Variants in SLC9D1 observed in about 807,000 individuals in gnomAD.
The protein encoded by SLC9D1 is putative LAG1-interacting protein.
the SLC9D1 span, among the ~76,000 whole-genome samples, chr13:113,497,660 G>A: frequency 6.6e-6 from 1 of 151,994 alleles, no homozygotes; most frequent in Non-Finnish European, 1.5e-5. Context: ...GAGACCTGCA[G>A]CTGTGTGAGA....
At chr13:113,531,804 A>G in the SLC9D1 span, among the ~76,000 whole-genome samples, 1 of 152,244 alleles carries the variant, frequency 6.6e-6, no homozygotes, top group African/African-American at 2.4e-5. Context: ...AGTTGAGCGC[A>G]CTGTGGCTTC....
the SLC9D1 span, chr13:113,495,466 A>G: frequency 1.4e-6 from 1 of 711,706 alleles, no homozygotes. Context: ...GTAATGAATC[A>G]TTGTTTAACT....
the SLC9D1 span, chr13:113,524,052 T>C: frequency 4.4e-6 from 2 of 454,906 alleles, no homozygotes; most frequent in East Asian, 1.4e-4. Context: ...TGGTAAATGC[T>C]CCAAAGTCAC....
chr13:113,516,954 C>T, the SLC9D1 span, among the ~76,000 whole-genome samples: 1 of 152,200 alleles, frequency 6.6e-6, no homozygotes, highest in African/African-American at 2.4e-5. Context: ...CATTGTCCAG[C>T]CACAAGCAGC....
the SLC9D1 span, chr13:113,498,319 C>T: frequency 2.6e-5 from 39 of 1,497,090 alleles, no homozygotes; most frequent in Non-Finnish European, 3.3e-5. Flanking sequence ...ATATCTCACT[C>T]TTCTTTTCTT....
At chr13:113,511,144 T>C in the SLC9D1 span, among the ~76,000 whole-genome samples, 3 of 152,150 alleles carry the variant, frequency 2.0e-5, no homozygotes, top group South Asian at 6.2e-4. Flanking sequence ...CGTGTCCCTG[T>C]GCGGGGAGGC....
At chr13:113,545,751 T>G in the SLC9D1 span, 1 of 152,948 alleles carries the variant, frequency 6.5e-6, no homozygotes, top group Non-Finnish European at 1.5e-5. Flanking sequence ...GGGGGGCAGA[T>G]GCAGGGACAC....
chr13:113,547,175 C>T, the SLC9D1 span: 1 of 757,296 alleles, frequency 1.3e-6, no homozygotes, highest in East Asian at 2.7e-5. Flanking sequence ...TTCACACGTG[C>T]ACTTGGGAGG....
At chr13:113,527,555 C>G in the SLC9D1 span, 1 of 152,228 alleles carries the variant, frequency 6.6e-6, no homozygotes. Flanking sequence ...ACTTGTGCTT[C>G]TCTCGAAGGA....
At chr13:113,533,357 A>C in the SLC9D1 span, among the ~76,000 whole-genome samples, 1 of 152,134 alleles carries the variant, frequency 6.6e-6, no homozygotes, top group Non-Finnish European at 1.5e-5. Context: ...CGTTTCCAGC[A>C]CTTCTGCTTT....
the SLC9D1 span, chr13:113,549,762 C>G: frequency 1.4e-6 from 1 of 709,902 alleles, no homozygotes. Context: ...GTGCAGTAGA[C>G]CCGGGACACT....
At chr13:113,542,622 G>T in the SLC9D1 span, among the ~76,000 whole-genome samples, 1 of 152,180 alleles carries the variant, frequency 6.6e-6, no homozygotes, top group African/African-American at 2.4e-5. Flanking sequence ...GAGATGGGCC[G>T]CTCTGGAAAT....
chr13:113,537,055 C>T, the SLC9D1 span, among the ~76,000 whole-genome samples: 6 of 152,238 alleles, frequency 3.9e-5, no homozygotes, highest in African/African-American at 1.4e-4. Context: ...TTCCAAAGCT[C>T]AGTGGCACCT....
the SLC9D1 span, chr13:113,549,394 C>T: frequency 6.2e-7 from 1 of 1,610,534 alleles, no homozygotes; most frequent in Non-Finnish European, 8.5e-7. Context: ...CTGACAGTCT[C>T]TGTGACCCGC....
At chr13:113,523,711 G>T in the SLC9D1 span, among the ~76,000 whole-genome samples, 1 of 152,054 alleles carries the variant, frequency 6.6e-6, no homozygotes, top group Non-Finnish European at 1.5e-5. Context: ...GTTTAACTTA[G>T]ATTATTGATT....
At chr13:113,533,594 A>G in the SLC9D1 span, among the ~76,000 whole-genome samples, 16 of 152,332 alleles carry the variant, frequency 1.1e-4, no homozygotes, top group Non-Finnish European at 2.1e-4. Flanking sequence ...TCTGTGTCTG[A>G]ATCACAGACA....
chr13:113,538,305 C>T, the SLC9D1 span, among the ~76,000 whole-genome samples: 14 of 151,436 alleles, frequency 9.2e-5, no homozygotes, highest in Non-Finnish European at 1.8e-4. Flanking sequence ...GGCACATGTG[C>T]GTGTGTGTGT....
the SLC9D1 span, among the ~76,000 whole-genome samples, chr13:113,513,414 C>A: frequency 0.19 from 28,183 of 152,112 alleles, 3,449 homozygotes; most frequent in African/African-American, 0.35. Context: ...GAAGGTGATA[C>A]ATTTAGTCAG....
At chr13:113,519,042 AG>A in the SLC9D1 span, among the ~76,000 whole-genome samples, 3 of 138,856 alleles carry the variant, frequency 2.2e-5, no homozygotes, top group Admixed American at 1.5e-4. Flanking sequence ...TGATAACAGT[AG>A]CTTTTTTTTT....
Sources: gnomAD v4.1 joint callset for allele counts (sites outside exome capture counted in the v4.1 genomes callset) on GRCh38, gnomAD v4.1.1 for gene constraint, MANE v1.5 for transcripts, NCBI Gene and HGNC (gene_info 2026-07-23, HGNC 2026-07-21) for gene names.